Variants in INPP5A observed in about 807,000 individuals in gnomAD.
INPP5A encodes inositol polyphosphate-5-phosphatase A.
Under a neutral mutation model 65.2 loss-of-function variants are expected in INPP5A, and 14 were observed. That is an observed-to-expected ratio of 0.21 (90% CI 0.14 to 0.34). INPP5A has a LOEUF of 0.34. Ranked by LOEUF, INPP5A falls within the 10% of genes least tolerant of loss-of-function variation. The pLI is 1.00. For synonymous variants in INPP5A, 207 were observed against 208.3 expected, an observed-to-expected ratio of 0.99 and a Z score of 0.05; for missense variants, 431 against 545.6, an observed-to-expected ratio of 0.79 and a Z score of 2.09.
intron 6 of INPP5A, among the ~76,000 whole-genome samples, chr10:132,700,973 C>A (rs1845427318): frequency 6.6e-6 from 1 of 151,974 alleles, no homozygotes; most frequent in Non-Finnish European, 1.5e-5. Context: ...TCATTTTTTT[C>A]CTTTTGCCCG....
chr10:132,773,416 C>G (rs1312192200), intron 12 of INPP5A, among the ~76,000 whole-genome samples: 7 of 152,322 alleles, frequency 4.6e-5, no homozygotes, highest in African/African-American at 1.7e-4. Flanking sequence ...ACTGCGCAGA[C>G]AAGTCCAACC....
intron 1 of INPP5A, among the ~76,000 whole-genome samples, chr10:132,588,735 A>C (rs1028370269): frequency 5.3e-5 from 8 of 152,190 alleles, no homozygotes; most frequent in Non-Finnish European, 1.2e-4. Flanking sequence ...GAAGGAAATG[A>C]GTTGACGTTC....
chr10:132,571,762 G>A (rs1720228017), intron 1 of INPP5A, among the ~76,000 whole-genome samples: 1 of 152,194 alleles, frequency 6.6e-6, no homozygotes, highest in Non-Finnish European at 1.5e-5. Flanking sequence ...CAGCCCTGAT[G>A]CCTGTGCTGT....
rs1222212197 is a variant in INPP5A at position 132,697,775 on chromosome 10, C to G, written c.371-41C>G. On this transcript the variant is annotated intron_variant, in intron 5 of 15. Transcript: ENST00000368594. The surrounding 1 kb of genome is among the most constrained non-coding windows in gnomAD (Gnocchi z 5.6). ...TGCTCCAGGCTGGTTGGATGGGGCA[C>G]AGTGATGGGATAGTCACCTCGTCCT... 3 of 1,370,572 alleles carry G rather than the reference C, an allele frequency of 2.2e-6. No individual in the cohort carries two copies. The highest frequency in any genetic ancestry group is 2.9e-5 in the African/African-American group (2 of 70,064). 84.9% of individuals were successfully genotyped at this position (1,370,572 alleles called of 1,614,324 possible). A position where few individuals can be genotyped will look rare whatever the true frequency, so the allele number is the denominator to read the frequency against.
chr10:132,602,550 C>T (rs2786904), intron 1 of INPP5A, among the ~76,000 whole-genome samples: 37,473 of 152,112 alleles, frequency 0.25, 5,464 homozygotes, highest in East Asian at 0.5. Flanking sequence ...CTGCCTCTGC[C>T]TCCCAAAGTG....
intron 1 of INPP5A, among the ~76,000 whole-genome samples, chr10:132,565,315 A>G (rs2071258730): frequency 6.6e-6 from 1 of 152,204 alleles, no homozygotes; most frequent in Admixed American, 6.5e-5. Flanking sequence ...GAATAAGCCA[A>G]AGGCTTCTCT....
chr10:132,646,486 G>C (rs901732748), intron 3 of INPP5A, among the ~76,000 whole-genome samples: 8 of 152,160 alleles, frequency 5.3e-5, no homozygotes, highest in Non-Finnish European at 1.2e-4. Flanking sequence ...CCCGGACCTG[G>C]GGCATCCAGG....
At chr10:132,643,518 T>C (rs1228295847) in intron 2 of INPP5A, among the ~76,000 whole-genome samples, 1 of 152,096 alleles carries the variant, frequency 6.6e-6, no homozygotes. Context: ...TTAAATGAAA[T>C]AAAATTAAAT....
intron 4 of INPP5A, among the ~76,000 whole-genome samples, chr10:132,661,232 A>G (rs1415066864): frequency 6.6e-6 from 1 of 152,232 alleles, no homozygotes; most frequent in Non-Finnish European, 1.5e-5. Flanking sequence ...AATTGCCTAC[A>G]TTGAAAGTGA....
chr10:132,719,864 G>T (rs1316470597), intron 8 of INPP5A, among the ~76,000 whole-genome samples: 1 of 149,168 alleles, frequency 6.7e-6, no homozygotes, highest in African/African-American at 2.5e-5. Flanking sequence ...CCTCGGTTCT[G>T]TCTGGGCGCC....
chr10:132,671,540 T>G (rs1469599075), intron 4 of INPP5A, among the ~76,000 whole-genome samples: 1 of 152,202 alleles, frequency 6.6e-6, no homozygotes, highest in African/African-American at 2.4e-5. Flanking sequence ...CACAACCTTC[T>G]TGGCTGGCAC....
intron 13 of INPP5A, 136 bp downstream of exon 13, chr10:132,777,918 C>G: frequency 6.7e-7 from 1 of 1,499,694 alleles, no homozygotes; most frequent in Non-Finnish European, 8.9e-7. Flanking sequence ...GCCCTGACCT[C>G]GTGCTGCCAT....
At chr10:132,729,829 G>C (rs1203848453) in intron 9 of INPP5A, among the ~76,000 whole-genome samples, 6 of 152,210 alleles carry the variant, frequency 3.9e-5, no homozygotes, top group Non-Finnish European at 5.9e-5. Flanking sequence ...TCTAATGGCT[G>C]TGCTTAAGGG....
intron 11 of INPP5A, among the ~76,000 whole-genome samples, chr10:132,763,234 G>A (rs1325197279): frequency 1.3e-5 from 2 of 152,196 alleles, no homozygotes; most frequent in East Asian, 3.9e-4. Flanking sequence ...ATGCTCCTGG[G>A]CAGGCCTTAG....
chr10:132,715,228 G>C (rs1845719771), intron 8 of INPP5A, among the ~76,000 whole-genome samples: 1 of 152,226 alleles, frequency 6.6e-6, no homozygotes, highest in Non-Finnish European at 1.5e-5. Flanking sequence ...TCCCATAAGT[G>C]ACGGGACTCT....
rs1217351483 is a variant in INPP5A, at chr10:132,555,171, TG to T, written c.75+17007del. On this transcript the variant is annotated intron_variant, in intron 1 of 15. Transcript: ENST00000368594. This position sits in a 1 kb window ranked among gnomAD's most constrained non-coding sequence, Gnocchi z 4.4. ...GGGTGGCATAGATGGCATGGTGGGG[TG>T]GGGGGGTGTGGATGGCAAGCGGCAG... Among the ~76,000 whole-genome samples, 4 of 137,700 alleles carry T rather than the reference TG, an allele frequency of 2.9e-5. No individual in the cohort carries two copies. The highest frequency in any genetic ancestry group is 5.3e-5 in the African/African-American group (2 of 37,620). 90.3% of individuals were successfully genotyped at this position (137,700 alleles called of 152,430 possible).
intron 1 of INPP5A, among the ~76,000 whole-genome samples, chr10:132,577,660 G>A (rs2071426626): frequency 6.6e-6 from 1 of 152,240 alleles, no homozygotes; most frequent in Non-Finnish European, 1.5e-5. Flanking sequence ...GTGACACTGA[G>A]ACCCAAAGGA....
At chr10:132,770,461 C>T (rs1453718948) in intron 12 of INPP5A, among the ~76,000 whole-genome samples, 1 of 152,242 alleles carries the variant, frequency 6.6e-6, no homozygotes, top group African/African-American at 2.4e-5. Flanking sequence ...CGTCCATTGC[C>T]TGGGGGCTCC....
At chr10:132,552,682 G>A (rs1389080852) in intron 1 of INPP5A, among the ~76,000 whole-genome samples, 12 of 147,566 alleles carry the variant, frequency 8.1e-5, no homozygotes, top group Admixed American at 6.7e-4. Context: ...AGGATAGGGA[G>A]GGAGGATTGG....
Sources: gnomAD v4.1 joint callset for allele counts (sites outside exome capture counted in the v4.1 genomes callset) on GRCh38, gnomAD v4.1.1 for gene constraint, Gnocchi (gnomAD v3.1) non-coding constraint, MANE v1.5 for transcripts, NCBI Gene and HGNC (gene_info 2026-07-23, HGNC 2026-07-21) for gene names.